Variants in FN1 observed in about 807,000 individuals in gnomAD.
FN1 encodes the protein fibronectin.
Under a neutral mutation model 297.3 loss-of-function variants are expected in FN1, and 106 were observed. That is an observed-to-expected ratio of 0.36 (90% CI 0.30 to 0.42). FN1 has a LOEUF of 0.42. Among genes scored for constraint, FN1 ranks in the 10% least tolerant of loss-of-function variants. The probability of loss-of-function intolerance (pLI) is 1.00; values close to 1 mark genes in which losing one functional copy is unlikely to be tolerated. For synonymous variants in FN1, 1,149 were observed against 1,152.6 expected (o/e 1.00, Z 0.06); for missense variants, 2,690 against 3,124.9 (o/e 0.86, Z 3.32).
chr2:215,389,839 T>A (rs6435904), intron 26 of FN1, among the ~76,000 whole-genome samples: 139,192 of 152,228 alleles, frequency 0.91, 63,975 homozygotes, highest in East Asian at 1. Context: ...GGTAGAGCCT[T>A]TGACACACCT....
chr2:215,372,235 T>C lies in FN1; in HGVS notation c.6388A>G (p.Thr2130Ala), dbSNP rs2056358668. 1.2e-6 allele frequency: 2 copies of C among 1,614,208 alleles called. No individual in the cohort carries two copies. Among genetic ancestry groups the C allele is most frequent in the Non-Finnish European group, 1.7e-6 (2 of 1,180,042 alleles). ...DTGNGIQLPGTSGQQPSVGQQ... is the reference protein window; with the variant it reads ...DTGNGIQLPGASGQQPSVGQQ... ...CCAACACTGGGTTGCTGACCAGAAG[T>C]GCCAGGAAGCTGAATACCATTTCCA... The change falls in exon 40 of 46, where the codon ACT (threonine) becomes GCT (alanine). Residue 2130 changes from threonine (T) to alanine (A), a missense_variant. This residue lies in a region of FN1 where 1,743 missense variants were observed against 1,945.2 expected (regional missense o/e 0.90). Coordinates refer to ENST00000354785, the MANE Select transcript of FN1 (RefSeq NM_212482.4).
intron 36 of FN1, 52 bp from the exon 37 acceptor site, chr2:215,375,770 A>G (rs2057176549): frequency 8.2e-7 from 1 of 1,217,478 alleles, no homozygotes; most frequent in Non-Finnish European, 1.2e-6. Flanking sequence ...TTACTAGGAG[A>G]ATTCTCAAGC....
At position 215,380,815 on chromosome 2, in the gene FN1, G is replaced by C; in HGVS notation, c.5430C>G (p.Ser1810=). ...GTGGTGCAATTAACCATATACCTGT[G>C]GACTGGGTTCCAATCAGGGGCTGGC... ...MESQPLIGTQ[S]TAIPAPTDLK... Residue 1810 remains serine, a synonymous_variant, in exon 33 of 46, where the codon TCC becomes TCG. Coordinates refer to ENST00000354785, the MANE Select transcript of FN1 (RefSeq NM_212482.4). 1 of 1,612,890 alleles carries C rather than the reference G, an allele frequency of 6.2e-7. No homozygotes were observed. Among genetic ancestry groups the C allele is most frequent in the Non-Finnish European group, 8.5e-7 (1 of 1,179,938 alleles).
intron 36 of FN1, among the ~76,000 whole-genome samples, chr2:215,375,934 A>G (rs1353097348): frequency 6.6e-6 from 1 of 152,230 alleles, no homozygotes; most frequent in African/African-American, 2.4e-5. Context: ...AGACAAGGAC[A>G]CTGGTAAAGT....
At chr2:215,392,231 T>C in intron 25 of FN1, 1 of 220,858 alleles carries the variant, frequency 4.5e-6, no homozygotes, top group Non-Finnish European at 9.1e-6. Flanking sequence ...CTTCCCCCCA[T>C]GTGAGATATC....
intron 40 of FN1, among the ~76,000 whole-genome samples, chr2:215,371,081 AAC>A (rs1292770672): frequency 2.0e-5 from 3 of 151,724 alleles, no homozygotes; most frequent in African/African-American, 7.2e-5. Flanking sequence ...CATCCTGGCC[AAC>A]ATCGTGAAAC....
Position 215,373,605 on chromosome 2 carries a change from CTAATTATCTTACTA to C in FN1, c.6158-208_6158-195del, listed in dbSNP as rs2056673114. On this transcript the variant is annotated intron_variant, in intron 38 of 45. Coordinates refer to ENST00000354785, the MANE Select transcript of FN1 (RefSeq NM_212482.4). Reference sequence around the variant, plus strand: ...CTGCATATAAAGTCCGCATCGCAAACTAATTATCTTACTATCATATCTGACGCCTGAATAGACAT... The same window carrying C: ...CTGCATATAAAGTCCGCATCGCAAACTCATATCTGACGCCTGAATAGACAT... Among the ~76,000 whole-genome samples, 9 of 151,836 alleles carry C rather than the reference CTAATTATCTTACTA, an allele frequency of 5.9e-5. No homozygotes were observed. In the South Asian group the frequency reaches 1.9e-3, roughly 32 times the overall value.
chr2:215,383,738 A>G (rs2058522565), intron 30 of FN1, among the ~76,000 whole-genome samples: 1 of 152,110 alleles, frequency 6.6e-6, no homozygotes, highest in Admixed American at 6.5e-5. Flanking sequence ...TACTTTATCA[A>G]CTCATCCATT....
chr2:215,367,637 T>G, intron 42 of FN1: 4 of 566,664 alleles, frequency 7.1e-6, no homozygotes, highest in Non-Finnish European at 1.3e-5. Flanking sequence ...GTGTAATTAA[T>G]AGTTGTATTG....
In FN1 at chr2:215,401,259, A is replaced by AAAAAAAGAAAGAAAGAAAGAAAGAAAGG. The variant is rs2061088518; in HGVS notation, c.3254-1909_3254-1908insCCTTTCTTTCTTTCTTTCTTTCTTTTTT. ...GAAAGAAAGAAAGAAAGGAAGAAAG[A>AAAAAAAGAAAGAAAGAAAGAAAGAAAGG]AAGGAAGGAAAGGAAAGGAAAGGAA... On this transcript the variant is annotated intron_variant, in intron 20 of 45. Coordinates refer to ENST00000354785, the MANE Select transcript of FN1 (RefSeq NM_212482.4). Among the ~76,000 whole-genome samples, 42 of 81,806 alleles carry AAAAAAAGAAAGAAAGAAAGAAAGAAAGG rather than the reference A, an allele frequency of 5.1e-4. 2 individuals are homozygous for AAAAAAAGAAAGAAAGAAAGAAAGAAAGG. The highest frequency in any genetic ancestry group is 1.7e-3 in the African/African-American group (36 of 20,786). 53.7% of individuals were successfully genotyped at this position (81,806 alleles called of 152,430 possible).
At chr2:215,387,528 A>G (rs1466685882) in intron 27 of FN1, among the ~76,000 whole-genome samples, 2 of 152,230 alleles carry the variant, frequency 1.3e-5, no homozygotes, top group Admixed American at 1.3e-4. Context: ...GTGAATTGAC[A>G]GTTTTGAAAA....
At chr2:215,422,381 C>CTT in intron 9 of FN1, 138 bp from the exon 10 acceptor site, 1 of 861,546 alleles carries the variant, frequency 1.2e-6, no homozygotes, top group African/African-American at 1.6e-5. Flanking sequence ...TCAAAGACAT[C>CTT]TAAGTGCTGT....
intron 15 of FN1, among the ~76,000 whole-genome samples, chr2:215,408,893 TG>T (rs1349904160): frequency 6.6e-6 from 1 of 152,186 alleles, no homozygotes. Context: ...TAATGTACTA[TG>T]GGAAAACACC....
intron 7 of FN1, 65 bp downstream of exon 7, chr2:215,425,029 G>A: frequency 1.4e-6 from 2 of 1,385,402 alleles, no homozygotes; most frequent in Admixed American, 1.7e-5. Flanking sequence ...CATTGAAAAT[G>A]TATTGTCCTT....
At position 215,428,260 on chromosome 2, in the gene FN1, A is replaced by G. The variant is rs1451578539; in HGVS notation, c.764T>C (p.Leu255Pro). Reference protein sequence around the residue: ...TWSKKDNRGNLLQCICTGNGR... With the variant: ...TWSKKDNRGNPLQCICTGNGR... ...GTTGCCTGTGCAGATGCACTGGAGCAGGTTTCCTCGATTATCCTTCTTGCT... is the reference window on the plus strand; with the variant it reads ...GTTGCCTGTGCAGATGCACTGGAGCGGGTTTCCTCGATTATCCTTCTTGCT... Residue 255 changes from leucine to proline, a missense_variant, in exon 6 of 46, where the codon CTG (leucine) becomes CCG (proline). Physicochemically the swap from Leu to Pro is moderately conservative, Grantham distance 98. Around this residue, in one of 3 missense-constraint regions of FN1, gnomAD observed 876 missense variants for 1,058.1 expected, o/e 0.83. Transcript: ENST00000354785. The G allele has an allele frequency of 1.2e-6, 2 of 1,614,194 alleles. No individual in the cohort carries two copies. Among genetic ancestry groups the G allele is most frequent in the African/African-American group, 2.7e-5 (2 of 75,056 alleles).
At position 215,365,310 on chromosome 2, in the gene FN1, T is replaced by C. The variant is rs16853839; in HGVS notation, c.7144+195A>G. Among the ~76,000 whole-genome samples the C allele has an allele frequency of 0.013, 1,981 of 152,268 alleles. 13 individuals are homozygous for C. The highest frequency in any genetic ancestry group is 0.017 in the Middle Eastern group (5 of 294). ...CTCAGGTTGGACAAGTGCTAAAGTGTCCTGTAATAACATTAAATCATGACT... is the reference window on the plus strand; with the variant it reads ...CTCAGGTTGGACAAGTGCTAAAGTGCCCTGTAATAACATTAAATCATGACT... On this transcript the variant is annotated intron_variant, in intron 43 of 45. Transcript: ENST00000354785.
chr2:215,408,787 CT>C (rs2062147805), intron 15 of FN1, among the ~76,000 whole-genome samples: 1 of 152,116 alleles, frequency 6.6e-6, no homozygotes, highest in Non-Finnish European at 1.5e-5. Context: ...CCAGGCTGAT[CT>C]CGAACTCCTG....
intron 32 of FN1, 55 bp downstream of exon 32, chr2:215,382,157 A>G (rs2058309143): frequency 3.6e-6 from 4 of 1,119,460 alleles, no homozygotes; most frequent in Non-Finnish European, 5.5e-6. Context: ...GGGCATTCAG[A>G]CACCCAAGAA....
chr2:215,399,198 G>A, intron 21 of FN1, 59 bp downstream of exon 21: 1 of 1,260,856 alleles, frequency 7.9e-7, no homozygotes, highest in Non-Finnish European at 1.1e-6. Flanking sequence ...TCCACTACAT[G>A]GGAACCACAA....
Sources: allele counts gnomAD v4.1 joint callset (sites outside exome capture counted in the v4.1 genomes callset), GRCh38; gene constraint gnomAD v4.1.1; regional missense constraint gnomAD v4.1.1; transcripts MANE v1.5; gene names NCBI Gene and HGNC (gene_info 2026-07-23, HGNC 2026-07-21).